Variants in ATP9B observed in about 807,000 individuals in gnomAD.
ATP9B encodes the protein probable phospholipid-transporting ATPase IIB.
Under a neutral mutation model 146.1 loss-of-function variants are expected in ATP9B, and 110 were observed. The ratio of observed to expected loss-of-function variants is 0.75; its 90% CI spans 0.65 to 0.88. ATP9B has a LOEUF of 0.88. Among genes scored for constraint, ATP9B ranks in the 40% least tolerant of loss-of-function variants. ATP9B has a pLI of 0.00. For missense variants in ATP9B, 1,499 were observed against 1,496.4 expected, an observed-to-expected ratio of 1.00 and a Z score of -0.03; for synonymous variants, 604 against 569.7, an observed-to-expected ratio of 1.06 and a Z score of -0.86.
In ATP9B at chr18:79,194,780, TA is replaced by T. The variant is rs75004013; in HGVS notation, c.954+1519del. 8.3e-3 allele frequency among the ~76,000 whole-genome samples: 1,269 copies of T among 152,254 alleles called. 50 individuals are homozygous for T. In the East Asian group the frequency reaches 0.11, roughly 13 times the overall value. On this transcript the variant is annotated intron_variant, in intron 9 of 29. Coordinates refer to ENST00000426216, the MANE Select transcript of ATP9B (RefSeq NM_198531.5). ...AAATACTGTGAACTTCAATTTACTG[TA>T]AGTGGGGAAAATATCCAAAATAACA...
At chr18:79,278,410 G>A (rs2096338143) in intron 13 of ATP9B, among the ~76,000 whole-genome samples, 1 of 152,124 alleles carries the variant, frequency 6.6e-6, no homozygotes, top group Non-Finnish European at 1.5e-5. Flanking sequence ...AAATCACATG[G>A]GATATTCTTT....
intron 7 of ATP9B, among the ~76,000 whole-genome samples, chr18:79,167,930 C>T (rs1302656778): frequency 6.6e-6 from 1 of 152,172 alleles, no homozygotes; most frequent in Non-Finnish European, 1.5e-5. Flanking sequence ...TGCAGGCCTG[C>T]CCCGAGCCAC....
At chr18:79,307,320 A>G (rs1599829497) in intron 15 of ATP9B, 86 bp downstream of exon 15, 2 of 1,570,882 alleles carry the variant, frequency 1.3e-6, no homozygotes, top group East Asian at 2.2e-5. Flanking sequence ...GGGATGGGGA[A>G]TATAGAGGAG....
chr18:79,139,994 C>T (rs1426295705), intron 5 of ATP9B, among the ~76,000 whole-genome samples: 1 of 152,146 alleles, frequency 6.6e-6, no homozygotes, highest in Non-Finnish European at 1.5e-5. Flanking sequence ...AGTGGATACT[C>T]AGATATTTAA....
In ATP9B at chr18:79,167,608, G is replaced by C. The variant is rs1357009817; in HGVS notation, c.779-9205G>C. ...CCCACAGCTGGTAGTCCCAATTTCT[G>C]TGTGAGTCTGGCCGAAACTCGCTTT... On this transcript the variant is annotated intron_variant, in intron 7 of 29. Coordinates refer to ENST00000426216, the MANE Select transcript of ATP9B (RefSeq NM_198531.5). Among the ~76,000 whole-genome samples, 3 of 152,298 alleles carry C rather than the reference G, an allele frequency of 2.0e-5. No individual in the cohort carries two copies. The East Asian group carries it at 5.8e-4, about 30-fold the overall frequency.
intron 10 of ATP9B, 111 bp downstream of exon 10, chr18:79,207,123 C>A: frequency 4.9e-6 from 5 of 1,021,678 alleles, no homozygotes; most frequent in Non-Finnish European, 5.9e-6. Context: ...TATTTAGGGA[C>A]CTTGCTAAAC....
At chr18:79,327,454 CCA>C in intron 15 of ATP9B, among the ~76,000 whole-genome samples, 4 of 151,806 alleles carry the variant, frequency 2.6e-5, no homozygotes, top group African/African-American at 9.7e-5. Context: ...AGTGTGCTCC[CCA>C]TGGTTAGCGT....
chr18:79,261,434 G>A (rs1040867582), intron 12 of ATP9B, among the ~76,000 whole-genome samples: 7 of 152,170 alleles, frequency 4.6e-5, no homozygotes, highest in South Asian at 2.1e-4. Flanking sequence ...AGGAGAAGGT[G>A]AGGTGAAGAC....
At chr18:79,194,278 G>T (rs1453481317) in intron 9 of ATP9B, 1 of 152,168 alleles carries the variant, frequency 6.6e-6, no homozygotes, top group African/African-American at 2.4e-5. Context: ...TAAGATAAAT[G>T]AAAAGGTATT....
In ATP9B at chr18:79,326,674, A is replaced by C. The variant is rs567333887; in HGVS notation, c.1774-2467A>C. Among the ~76,000 whole-genome samples the C allele has an allele frequency of 3.3e-5, 5 of 152,354 alleles. No individual in the cohort carries two copies. The South Asian group carries it at 1.0e-3, about 32-fold the overall frequency. On this transcript the variant is annotated intron_variant, in intron 15 of 29. Coordinates refer to ENST00000426216, the MANE Select transcript of ATP9B (RefSeq NM_198531.5). ...GTGTCAAGTTCAAAGCATGAAAAAG[A>C]AAGGAAGCAGCTCTTCACACCCAGA...
At chr18:79,081,326 C>T (rs1450552142) in intron 1 of ATP9B, among the ~76,000 whole-genome samples, 1 of 152,068 alleles carries the variant, frequency 6.6e-6, no homozygotes, top group Non-Finnish European at 1.5e-5. Context: ...AGGGATTCAA[C>T]TTCTTCCTGG....
At position 79,348,297 on chromosome 18, in the gene ATP9B, T is replaced by C. The variant is rs568258555; in HGVS notation, c.2903+101T>C. 4 of 1,131,612 alleles carry C rather than the reference T, an allele frequency of 3.5e-6. No individual in the cohort carries two copies. The East Asian group carries it at 9.6e-5, about 27-fold the overall frequency. The allele number at this position is 1,131,612 out of a possible 1,614,324, so 70.1% of individuals were successfully genotyped here. A position where few individuals can be genotyped will look rare whatever the true frequency, so the allele number is the denominator to read the frequency against. On this transcript the variant is annotated intron_variant, in intron 25 of 29. Transcript: ENST00000426216. ...AAAAACGTATATAGAAGATTCTTGA[T>C]ACAGTCATCATTTAGAATGAATAAT...
intron 12 of ATP9B, among the ~76,000 whole-genome samples, chr18:79,260,023 T>G (rs2096124147): frequency 6.6e-6 from 1 of 152,182 alleles, no homozygotes; most frequent in Admixed American, 6.5e-5. Context: ...ATTCACTGTT[T>G]GGAAAGCATT....
Position 79,347,696 on chromosome 18 carries a change from T to C in ATP9B, c.2683-74T>C, listed in dbSNP as rs996513494. On this transcript the variant is annotated intron_variant, in intron 23 of 29. Transcript: ENST00000426216. ...GGTCTTTGTAACATTTAGGCTGAGT[T>C]CTAAAACTCACTTTTGGAGTCTGAT... is the stretch of plus-strand genomic sequence containing the variant. 4 of 1,457,484 alleles carry C rather than the reference T, an allele frequency of 2.7e-6. No homozygotes were observed. In the African/African-American group the frequency reaches 5.8e-5, roughly 21 times the overall value. 90.3% of individuals were successfully genotyped at this position (1,457,484 alleles called of 1,614,324 possible). A position where few individuals can be genotyped will look rare whatever the true frequency, so the allele number is the denominator to read the frequency against.
chr18:79,345,957 C>G (rs2096883853), intron 23 of ATP9B, 118 bp downstream of exon 23: 2 of 1,137,294 alleles, frequency 1.8e-6, no homozygotes, highest in South Asian at 2.6e-5. Context: ...TCAGCATGTG[C>G]TTAGCGTACG....
Position 79,344,249 on chromosome 18 carries a change from T to TTC in ATP9B, c.2383-13_2383-12dup. The TTC allele has an allele frequency of 6.2e-7, 1 of 1,610,888 alleles. No homozygotes were observed. The highest frequency in any genetic ancestry group is 8.5e-7 in the Non-Finnish European group (1 of 1,177,112). On this transcript the variant is annotated splice_polypyrimidine_tract_variant and intron_variant, in intron 20 of 29. Transcript: ENST00000426216. ...ACAACATTTTAATTTGGGATTCTTT[T>TTC]TCTCCCTTAATGGAGGTAACCAGTC...
At chr18:79,250,555 C>CT (rs2096012199) in intron 11 of ATP9B, among the ~76,000 whole-genome samples, 2 of 152,336 alleles carry the variant, frequency 1.3e-5, no homozygotes, top group African/African-American at 4.8e-5. Flanking sequence ...ACATGCTCTA[C>CT]TTCCCTGGCT....
At chr18:79,209,963 TTAAA>T (rs557840372) in intron 10 of ATP9B, among the ~76,000 whole-genome samples, 1 of 152,230 alleles carries the variant, frequency 6.6e-6, no homozygotes, top group African/African-American at 2.4e-5. Context: ...CTCTTATACT[TTAAA>T]AGTCGTATCT....
intron 11 of ATP9B, among the ~76,000 whole-genome samples, chr18:79,246,727 C>T (rs2095969328): frequency 6.6e-6 from 1 of 152,220 alleles, no homozygotes; most frequent in South Asian, 2.1e-4. Flanking sequence ...CCCGCGCTCC[C>T]CGCGCTCCCT....
Sources: allele counts gnomAD v4.1 joint callset (sites outside exome capture counted in the v4.1 genomes callset), GRCh38; gene constraint gnomAD v4.1.1; transcripts MANE v1.5; gene names NCBI Gene and HGNC (gene_info 2026-07-23, HGNC 2026-07-21).